Variants in STK11IP observed in about 807,000 individuals in gnomAD.
The protein encoded by STK11IP is serine/threonine-protein kinase 11-interacting protein.
In STK11IP, 103 loss-of-function variants were observed where a neutral mutation model predicts 131.7. The observed-to-expected ratio is 0.78, with a 90% confidence interval of 0.67 to 0.92. The LOEUF is 0.92. Ranked by LOEUF, STK11IP falls within the 40% of genes least tolerant of loss-of-function variation. The pLI is 0.00. For missense variants in STK11IP, 1,315 were observed against 1,385.7 expected (o/e 0.95, Z 0.81); for synonymous variants, 557 against 575.6 (o/e 0.97, Z 0.46).
chr2:219,604,855 G>T (rs1392049695), intron 7 of STK11IP, among the ~76,000 whole-genome samples: 4 of 151,486 alleles, frequency 2.6e-5, no homozygotes, highest in African/African-American at 7.3e-5. Flanking sequence ...ATGAGACAGA[G>T]TTTCGCTCTT....
rs946619218 is a variant in STK11IP at position 219,604,906 on chromosome 2, C to T, written c.619-702C>T. Among the ~76,000 whole-genome samples the T allele has an allele frequency of 2.9e-4, 44 of 151,944 alleles. 1 individual carries two copies. Among genetic ancestry groups the T allele is most frequent in the Non-Finnish European group, 7.4e-5 (5 of 67,972 alleles). ...GTGCAATGGCACGATCTTGGCTCAC[C>T]GTAACCTCTGCCTCCCGGGTTCAAG... is the stretch of plus-strand genomic sequence containing the variant. On this transcript the variant is annotated intron_variant, in intron 7 of 24. Transcript: ENST00000456909.
In STK11IP at chr2:219,606,195, C is replaced by T. The variant is rs1156674123; in HGVS notation, c.850C>T (p.Leu284Phe). The change falls in exon 10 of 25, where the codon CTC becomes TTC. Residue 284 changes from leucine (L) to phenylalanine (F), a missense_variant and splice_region_variant. Physicochemically the swap from Leu to Phe is conservative, Grantham distance 22 (BLOSUM62 0). Transcript: ENST00000456909. ...PLWLLAELRK[L>F]YLEGNPLWFH... is the part of the protein sequence containing the mutation. ...TCATTCTCCCCTTCCTGCCCCTCAG[C>T]TCTACCTGGAGGGGAACCCTCTTTG... is the stretch of plus-strand genomic sequence containing the variant. The T allele has an allele frequency of 1.9e-6, 3 of 1,561,788 alleles. No individual in the cohort carries two copies. The highest frequency in any genetic ancestry group is 2.7e-5 in the African/African-American group (2 of 73,474).
chr2:219,605,152 C>T (rs533827673), intron 7 of STK11IP, among the ~76,000 whole-genome samples: 11 of 152,118 alleles, frequency 7.2e-5, no homozygotes, highest in East Asian at 1.9e-4. Flanking sequence ...TAAAAGAGGG[C>T]GGCGGGGAGT....
rs1310855674 is a variant in STK11IP at position 219,601,672 on chromosome 2, G to C, written c.299G>C (p.Gly100Ala). 2 of 1,603,728 alleles carry C rather than the reference G, an allele frequency of 1.2e-6. No homozygotes were observed. The highest frequency in any genetic ancestry group is 1.3e-5 in the African/African-American group (1 of 74,722). Residue 100 changes from glycine to alanine, a missense_variant, in exon 4 of 25, where the codon GGG becomes GCG. Transcript: ENST00000456909. ...LVHVAGPGPT[G>A]PIKIFPFKSL... ...CATGTTGCTGGTCCTGGCCCCACAGGGCCCATCAAGATTTTCCCCTTCAAA... is the reference window on the plus strand; with the variant it reads ...CATGTTGCTGGTCCTGGCCCCACAGCGCCCATCAAGATTTTCCCCTTCAAA...
rs889265612 is a variant in STK11IP, at chr2:219,615,204, G to A, written c.2980G>A (p.Glu994Lys). ...AEPSPPAASG[E>K]ASEKVPPSGP... Reference sequence around the variant, plus strand: ...GCCCTCTCCTCCAGCAGCATCTGGCGAAGCCTCTGAGAAGGTGCCTCCCTC... The same window carrying A: ...GCCCTCTCCTCCAGCAGCATCTGGCAAAGCCTCTGAGAAGGTGCCTCCCTC... Residue 994 changes from glutamate to lysine, a missense_variant, in exon 24 of 25, where the codon GAA becomes AAA. Glu to Lys is a moderately conservative substitution (Grantham distance 56). Coordinates refer to ENST00000456909, the MANE Select transcript of STK11IP (RefSeq NM_052902.4). 1.3e-5 allele frequency: 20 copies of A among 1,595,728 alleles called. No individual in the cohort carries two copies. The highest frequency in any genetic ancestry group is 4.0e-5 in the African/African-American group (3 of 74,690).
rs1698265898 is a variant in STK11IP, at chr2:219,608,288, AGAG to A, written c.1466_1468del (p.Glu489del). ...CCCAGGAGTCACCACAGAAAATGTC[AGAG>A]GAGGTCAGGGCGGAGCCACAGGAGG... On this transcript the variant is annotated inframe_deletion, in exon 14 of 25. Coordinates refer to ENST00000456909, the MANE Select transcript of STK11IP (RefSeq NM_052902.4). 6.2e-7 allele frequency: 1 copy of A among 1,612,584 alleles called. No individual in the cohort carries two copies. The highest frequency in any genetic ancestry group is 2.2e-5 in the East Asian group (1 of 44,838).
intron 8 of STK11IP, 52 bp from the exon 9 acceptor site, chr2:219,605,904 A>G: frequency 1.3e-6 from 2 of 1,512,764 alleles, no homozygotes; most frequent in Non-Finnish European, 1.8e-6. Context: ...CACCACACTC[A>G]CTTGCGTGTA....
In STK11IP at chr2:219,609,456, C is replaced by A. The variant is rs769426701; in HGVS notation, c.2020C>A (p.Arg674Ser). The change falls in exon 17 of 25, where the codon CGC becomes AGC. Residue 674 changes from arginine (R) to serine (S), a missense_variant. Coordinates refer to ENST00000456909, the MANE Select transcript of STK11IP (RefSeq NM_052902.4). ...DLLLGRFQCL[R>S]CGHEFKPEEP... is the part of the protein sequence containing the mutation. ...CCTGCTGGGTAGATTCCAGTGTCTA[C>A]GCTGTGGCCATGAGTTCAAGCCAGA... 6.2e-7 allele frequency: 1 copy of A among 1,611,024 alleles called. No homozygotes were observed. Among genetic ancestry groups the A allele is most frequent in the South Asian group, 1.1e-5 (1 of 90,376 alleles).
chr2:219,600,041 G>GTTTTTTTTT (rs1203746448), intron 2 of STK11IP, among the ~76,000 whole-genome samples: 3 of 91,932 alleles, frequency 3.3e-5, no homozygotes, highest in African/African-American at 1.2e-4. Context: ...TGCCCTTTGT[G>GTTTTTTTTT]TTTTTTTTTT....
chr2:219,615,696 C>T (rs1386551400), intron 24 of STK11IP: 1 of 639,690 alleles, frequency 1.6e-6, no homozygotes, highest in Non-Finnish European at 3.0e-6. Context: ...GGTTACTGGT[C>T]CTATTTACAG....
chr2:219,605,848 G>C (rs1053201258), intron 8 of STK11IP, 108 bp from the exon 9 acceptor site: 1 of 1,486,366 alleles, frequency 6.7e-7, no homozygotes, highest in African/African-American at 1.4e-5. Context: ...GGGGAGTGCA[G>C]GGGTGCTCTG....
intron 23 of STK11IP, 166 bp from the exon 24 acceptor site, chr2:219,614,928 C>G (rs953534468): frequency 1.3e-5 from 10 of 795,522 alleles, no homozygotes; most frequent in Non-Finnish European, 1.9e-5. Context: ...AGTAGAGATT[C>G]ATGGAGCTTG....
intron 17 of STK11IP, 104 bp from the exon 18 acceptor site, chr2:219,611,500 G>A: frequency 1.0e-6 from 1 of 978,456 alleles, no homozygotes; most frequent in East Asian, 2.4e-5. Context: ...CTGGAGGCTT[G>A]GGCTCAGGGG....
rs764048441 is a variant in STK11IP at position 219,609,506 on chromosome 2, TG to T, written c.2071del (p.Glu691ArgfsTer149). 6.3e-7 allele frequency: 1 copy of T among 1,587,826 alleles called. No homozygotes were observed. Among genetic ancestry groups the T allele is most frequent in the Non-Finnish European group, 8.6e-7 (1 of 1,166,626 alleles). On this transcript the variant is annotated frameshift_variant, in exon 17 of 25. Coordinates refer to ENST00000456909, the MANE Select transcript of STK11IP (RefSeq NM_052902.4). LOFTEE classifies it high-confidence loss of function. ...AGGAGCCCAGGATGGGATTAGACAG[TG>T]AGGAAGGCTGGAGGCCTCTGTTCCA... ...PEEPRMGLDS[E>X]EGWRPLFQKT...
Position 219,608,274 on chromosome 2 carries a change from C to A in STK11IP, c.1447C>A (p.Pro483Thr), listed in dbSNP as rs1698265419. 1.9e-6 allele frequency: 3 copies of A among 1,612,960 alleles called. No homozygotes were observed. In the African/African-American group the frequency reaches 4.0e-5, roughly 22 times the overall value. ...GGAAGCCAGAGGCCCCCAGGAGTCACCACAGAAAATGTCAGAGGAGGTCAG... is the reference window on the plus strand; with the variant it reads ...GGAAGCCAGAGGCCCCCAGGAGTCAACACAGAAAATGTCAGAGGAGGTCAG... ...QEEARGPQES[P>T]QKMSEEVRAE... is the part of the protein sequence containing the mutation. Residue 483 changes from proline (P) to threonine (T), a missense_variant, in exon 14 of 25, where the codon CCA (proline) becomes ACA (threonine). By Grantham distance (38) the Pro-to-Thr change is conservative. Coordinates refer to ENST00000456909, the MANE Select transcript of STK11IP (RefSeq NM_052902.4).
At chr2:219,608,895 G>A (rs2106159161) in intron 15 of STK11IP, 107 bp downstream of exon 15, 1 of 1,292,348 alleles carries the variant, frequency 7.7e-7, no homozygotes, top group Non-Finnish European at 1.0e-6. Flanking sequence ...TTGGCACTAG[G>A]AGCCGAGGAG....
chr2:219,601,743 C>T, intron 4 of STK11IP, 28 bp downstream of exon 4: 3 of 1,579,832 alleles, frequency 1.9e-6, no homozygotes, highest in Non-Finnish European at 2.6e-6. Context: ...GATGTTGGTG[C>T]ACAGCACCCA....
Position 219,615,183 on chromosome 2 carries a change from TCTC to T in STK11IP, c.2964_2966del (p.Pro989del). The T allele has an allele frequency of 6.3e-7, 1 of 1,599,692 alleles. No homozygotes were observed. Among genetic ancestry groups the T allele is most frequent in the Middle Eastern group, 1.7e-4 (1 of 6,028 alleles). On this transcript the variant is annotated inframe_deletion, in exon 24 of 25. Transcript: ENST00000456909. ...TGCTGCAGGGTCCCCGGCAGAGCCC[TCTC>T]CTCCAGCAGCATCTGGCGAAGCCTC...
Position 219,613,125 on chromosome 2 carries a change from C to G in STK11IP, c.2440-3C>G, listed in dbSNP as rs952431792. On this transcript the variant is annotated splice_region_variant and splice_polypyrimidine_tract_variant and intron_variant, in intron 19 of 24. Transcript: ENST00000456909. Reference sequence around the variant, plus strand: ...GTTTCTCACCAACTTCCTCTTCCCCCAGGTGCCAGTGGCATTGGCAGGCCA... The same window carrying G: ...GTTTCTCACCAACTTCCTCTTCCCCGAGGTGCCAGTGGCATTGGCAGGCCA... 2.5e-6 allele frequency: 4 copies of G among 1,611,568 alleles called. No individual in the cohort carries two copies. Among genetic ancestry groups the G allele is most frequent in the Non-Finnish European group, 3.4e-6 (4 of 1,179,178 alleles).
Sources: allele counts gnomAD v4.1 joint callset (sites outside exome capture counted in the v4.1 genomes callset), GRCh38; gene constraint gnomAD v4.1.1; transcripts MANE v1.5; gene names NCBI Gene and HGNC (gene_info 2026-07-23, HGNC 2026-07-21).